The following FRMD4A variants were observed in gnomAD, a reference collection of about 807,000 sequenced individuals.
FRMD4A encodes FERM domain containing 4A.
In FRMD4A, 29 loss-of-function variants were observed where a neutral mutation model predicts 129.1. The ratio of observed to expected loss-of-function variants is 0.22; its 90% CI spans 0.17 to 0.31. FRMD4A has a LOEUF of 0.31. Among genes scored for constraint, FRMD4A ranks in the 10% least tolerant of loss-of-function variants. FRMD4A has a pLI of 1.00. For synonymous variants in FRMD4A, 634 were observed against 571.6 expected (o/e 1.11, Z -1.56); for missense variants, 1,272 against 1,375.8 (o/e 0.92, Z 1.19).
chr10:13,700,030 A>G (rs78688649), intron 14 of FRMD4A, among the ~76,000 whole-genome samples: 2,463 of 152,314 alleles, frequency 0.016, 120 homozygotes, highest in East Asian at 0.16. Context: ...GGATAAAATG[A>G]CGGCTGCGGG....
intron 3 of FRMD4A, among the ~76,000 whole-genome samples, chr10:13,838,382 C>G (rs917217883): frequency 6.6e-6 from 1 of 151,912 alleles, no homozygotes; most frequent in African/African-American, 2.4e-5. Flanking sequence ...GCATGAACTA[C>G]CACGCCCAGC....
chr10:13,820,912 G>A (rs554329538), intron 3 of FRMD4A, among the ~76,000 whole-genome samples: 25 of 152,344 alleles, frequency 1.6e-4, no homozygotes, highest in South Asian at 1.2e-3. Flanking sequence ...AACGTGGCCC[G>A]TCTGCCCCCA....
At chr10:14,219,497 G>A (rs558747443) in intron 2 of FRMD4A, among the ~76,000 whole-genome samples, 9 of 152,298 alleles carry the variant, frequency 5.9e-5, no homozygotes, top group African/African-American at 1.9e-4. Flanking sequence ...TGAGGGACCC[G>A]TGCTTGGAGA....
At chr10:14,063,950 G>C (rs1042349621) in intron 2 of FRMD4A, among the ~76,000 whole-genome samples, 19 of 152,154 alleles carry the variant, frequency 1.2e-4, no homozygotes, top group African/African-American at 4.3e-4. Context: ...TGAGACTTCT[G>C]AGCCCTACTG....
At chr10:13,871,202 A>T (rs766766317) in intron 2 of FRMD4A, 1 of 166,436 alleles carries the variant, frequency 6.0e-6, no homozygotes. Flanking sequence ...CCAGGCACTC[A>T]CGCTGTTTCT....
chr10:13,858,326 T>C (rs2094241966), intron 3 of FRMD4A, among the ~76,000 whole-genome samples: 1 of 152,108 alleles, frequency 6.6e-6, no homozygotes, highest in East Asian at 1.9e-4. Flanking sequence ...TCCCAGCTAC[T>C]TGGGAGGCTG....
intron 2 of FRMD4A, among the ~76,000 whole-genome samples, chr10:14,106,955 C>T (rs773670988): frequency 1.2e-4 from 19 of 152,262 alleles, no homozygotes; most frequent in Non-Finnish European, 2.5e-4. Context: ...AACCTAAGTG[C>T]CCAGCAATGG....
At chr10:14,239,886 C>T (rs1843978866) in intron 2 of FRMD4A, among the ~76,000 whole-genome samples, 1 of 152,134 alleles carries the variant, frequency 6.6e-6, no homozygotes, top group Admixed American at 6.5e-5. Context: ...TTACTTTTAG[C>T]CAATCCATTC....
At chr10:13,957,814 C>T (rs1000707801) in intron 2 of FRMD4A, among the ~76,000 whole-genome samples, 1 of 152,210 alleles carries the variant, frequency 6.6e-6, no homozygotes, top group Admixed American at 6.5e-5. Flanking sequence ...CCCTAAAACT[C>T]GCTCACTCAC....
intron 2 of FRMD4A, among the ~76,000 whole-genome samples, chr10:14,019,928 C>T (rs535985008): frequency 2.0e-5 from 3 of 152,322 alleles, no homozygotes; most frequent in South Asian, 4.1e-4. Flanking sequence ...CGTTGTGGGG[C>T]TCCTCATCTA....
intron 14 of FRMD4A, among the ~76,000 whole-genome samples, chr10:13,694,525 T>C (rs1473851340): frequency 6.6e-6 from 1 of 152,054 alleles, no homozygotes; most frequent in East Asian, 1.9e-4. Context: ...TATAATTATT[T>C]AGTGCTTAAA....
At chr10:13,822,749 A>G (rs1454909242) in intron 3 of FRMD4A, among the ~76,000 whole-genome samples, 1 of 152,142 alleles carries the variant, frequency 6.6e-6, no homozygotes, top group East Asian at 1.9e-4. Flanking sequence ...GGCCTGTGAC[A>G]GATACTTGTG....
intron 4 of FRMD4A, among the ~76,000 whole-genome samples, chr10:13,800,255 C>T (rs1421097759): frequency 1.3e-5 from 2 of 152,162 alleles, no homozygotes; most frequent in Non-Finnish European, 2.9e-5. Context: ...CAGAAATTAT[C>T]CCCCAAAACC....
At chr10:14,183,710 A>T (rs1045021247) in intron 2 of FRMD4A, among the ~76,000 whole-genome samples, 2 of 152,308 alleles carry the variant, frequency 1.3e-5, no homozygotes, top group African/African-American at 4.8e-5. Flanking sequence ...TAACCATGGT[A>T]TCTAAATATG....
At chr10:13,928,738 C>A (rs1179747624) in intron 2 of FRMD4A, among the ~76,000 whole-genome samples, 3 of 152,092 alleles carry the variant, frequency 2.0e-5, no homozygotes, top group African/African-American at 7.2e-5. Context: ...AAAGTCATGC[C>A]CCATCCCTTT....
chr10:13,833,370 G>A (rs776204990), intron 3 of FRMD4A, among the ~76,000 whole-genome samples: 53 of 152,168 alleles, frequency 3.5e-4, no homozygotes, highest in Non-Finnish European at 5.4e-4. Context: ...CATGAGAACA[G>A]TATGGGGGAA....
chr10:14,311,951 G>A (rs1846564468), intron 2 of FRMD4A, among the ~76,000 whole-genome samples: 1 of 152,028 alleles, frequency 6.6e-6, no homozygotes, highest in African/African-American at 2.4e-5. Flanking sequence ...TTTCTTATAT[G>A]GAACTCCCTG....
chr10:14,052,903 A>C (rs1365429611), intron 2 of FRMD4A, among the ~76,000 whole-genome samples: 1 of 152,134 alleles, frequency 6.6e-6, no homozygotes, highest in Non-Finnish European at 1.5e-5. Flanking sequence ...GCCGTAACTC[A>C]TAGAGTGATA....
intron 2 of FRMD4A, among the ~76,000 whole-genome samples, chr10:14,301,352 A>G (rs1846179626): frequency 6.6e-6 from 1 of 152,168 alleles, no homozygotes; most frequent in Admixed American, 6.5e-5. Context: ...GGTTTTGAGA[A>G]CCCCTCAAAC....
Sources: allele counts gnomAD v4.1 joint callset (sites outside exome capture counted in the v4.1 genomes callset), GRCh38; gene constraint gnomAD v4.1.1; transcripts MANE v1.5; gene names NCBI Gene and HGNC (gene_info 2026-07-23, HGNC 2026-07-21).